Variants in PTPRN2 observed in about 807,000 individuals in gnomAD.
PTPRN2 encodes receptor-type tyrosine-protein phosphatase N2.
A neutral mutation model predicts 118.8 loss-of-function variants in PTPRN2; 74 were observed. The ratio of observed to expected loss-of-function variants is 0.62; its 90% confidence interval spans 0.52 to 0.76. PTPRN2 has a LOEUF of 0.76. Among genes scored for constraint, PTPRN2 ranks in the 30% least tolerant of loss-of-function variants. The pLI is 0.00. For missense variants in PTPRN2, 1,481 were observed against 1,394.4 expected (o/e 1.06, Z -0.99); for synonymous variants, 641 against 608.0 (o/e 1.05, Z -0.80).
At chr7:158,084,950 CCCACG>C (rs1585383088) in intron 10 of PTPRN2, among the ~76,000 whole-genome samples, 5 of 139,074 alleles carry the variant, frequency 3.6e-5, no homozygotes, top group African/African-American at 5.4e-5. Flanking sequence ...CCCATCCACA[CCCACG>C]ACGCCCATCC....
At chr7:158,527,826 G>A (rs573553646) in intron 1 of PTPRN2, among the ~76,000 whole-genome samples, 1 of 152,148 alleles carries the variant, frequency 6.6e-6, no homozygotes, top group African/African-American at 2.4e-5. Context: ...TGGTCTTCCT[G>A]CCCCGTATCC....
At chr7:158,278,363 T>A (rs1036533334) in intron 3 of PTPRN2, among the ~76,000 whole-genome samples, 1 of 149,542 alleles carries the variant, frequency 6.7e-6, no homozygotes, top group Non-Finnish European at 1.5e-5. Flanking sequence ...AAAAAAAAAA[T>A]TCAGCTGGAC....
At chr7:158,057,409 G>T (rs1450094562) in intron 11 of PTPRN2, among the ~76,000 whole-genome samples, 1 of 152,172 alleles carries the variant, frequency 6.6e-6, no homozygotes, top group African/African-American at 2.4e-5. Context: ...CAATGATGAT[G>T]GTCTCTTTTT....
chr7:158,270,561 C>A (rs1798244347), intron 3 of PTPRN2, among the ~76,000 whole-genome samples: 1 of 152,106 alleles, frequency 6.6e-6, no homozygotes, highest in African/African-American at 2.4e-5. Flanking sequence ...GCTGCTATCA[C>A]AATTGAGGGC....
intron 11 of PTPRN2, among the ~76,000 whole-genome samples, chr7:157,906,897 T>C (rs1162359390): frequency 6.6e-6 from 1 of 152,208 alleles, no homozygotes. Context: ...TCTAAGCTTC[T>C]TTGGTTCTGG....
Position 157,690,272 on chromosome 7 carries a change from G to A in PTPRN2, c.1789-7335C>T, listed in dbSNP as rs1051216117. Among the ~76,000 whole-genome samples, 42 of 152,140 alleles carry A rather than the reference G, an allele frequency of 2.8e-4. No homozygotes were observed. The highest frequency in any genetic ancestry group is 5.6e-4 in the Non-Finnish European group (38 of 68,020). ...GACCCACTTGGGGATGATCCCAGGC[G>A]CAGCTCTCCCCTGCCGGCCCAAGCC... is the stretch of plus-strand genomic sequence containing the variant. On this transcript the variant is annotated intron_variant, in intron 12 of 22. Transcript: ENST00000389418. This position sits in a 1 kb window ranked among gnomAD's most constrained non-coding sequence, Gnocchi z 7.1.
chr7:157,635,586 AT>A, intron 14 of PTPRN2, among the ~76,000 whole-genome samples: 1 of 152,286 alleles, frequency 6.6e-6, no homozygotes, highest in Middle Eastern at 3.4e-3. Flanking sequence ...ACCAATTTTC[AT>A]TTTTCTAGAA....
chr7:158,005,409 C>T (rs895436351), intron 11 of PTPRN2, among the ~76,000 whole-genome samples: 4 of 151,702 alleles, frequency 2.6e-5, no homozygotes, highest in African/African-American at 7.3e-5. Context: ...CTTATGGTGG[C>T]GAATATGGAA....
At chr7:157,925,235 T>C (rs1798907880) in intron 11 of PTPRN2, among the ~76,000 whole-genome samples, 1 of 147,346 alleles carries the variant, frequency 6.8e-6, no homozygotes, top group Non-Finnish European at 1.5e-5. Context: ...TGAAATGTAG[T>C]CAGGATGCAG....
chr7:158,321,499 C>T (rs79167174), intron 2 of PTPRN2, among the ~76,000 whole-genome samples: 3 of 152,340 alleles, frequency 2.0e-5, no homozygotes, highest in East Asian at 3.9e-4. Flanking sequence ...TGCAGCCCTG[C>T]GGGCCATGCT....
At chr7:158,218,607 A>G (rs1828126347) in intron 3 of PTPRN2, among the ~76,000 whole-genome samples, 1 of 152,218 alleles carries the variant, frequency 6.6e-6, no homozygotes, top group Admixed American at 6.5e-5. Context: ...GAATGTAAAC[A>G]GGCTAAACAC....
intron 12 of PTPRN2, among the ~76,000 whole-genome samples, chr7:157,725,257 A>ACGGCG (rs1404351865): frequency 7.2e-6 from 1 of 138,086 alleles, no homozygotes; most frequent in African/African-American, 3.1e-5. Context: ...CATGCAGAGG[A>ACGGCG]GTGAGCCAGA....
At chr7:157,689,313 C>A (rs1479434373) in intron 12 of PTPRN2, among the ~76,000 whole-genome samples, 1 of 152,238 alleles carries the variant, frequency 6.6e-6, no homozygotes, top group Non-Finnish European at 1.5e-5. Context: ...GCGCTCCGGA[C>A]TCCAGGCGGG....
chr7:158,428,810 G>A (rs1488467507), intron 2 of PTPRN2, among the ~76,000 whole-genome samples: 2 of 152,112 alleles, frequency 1.3e-5, no homozygotes, highest in South Asian at 2.1e-4. Flanking sequence ...TTACTTACTC[G>A]CTTCTTTCAG....
chr7:157,569,920 T>C (rs923895758), intron 20 of PTPRN2, among the ~76,000 whole-genome samples: 2 of 152,258 alleles, frequency 1.3e-5, no homozygotes, highest in Non-Finnish European at 2.9e-5. Flanking sequence ...AAGATGTGAC[T>C]ACCCAGCAGA....
chr7:158,557,501 G>A (rs922031490), intron 1 of PTPRN2, among the ~76,000 whole-genome samples: 1 of 152,266 alleles, frequency 6.6e-6, no homozygotes, highest in East Asian at 1.9e-4. Context: ...TCTTGGCCCT[G>A]CAGGTACAAG....
At position 158,369,323 on chromosome 7, in the gene PTPRN2, G is replaced by A. The variant is rs367835133; in HGVS notation, c.164-52391C>T. Reference sequence around the variant, plus strand: ...TACCTATAAAGTTATATACATACACGTATATGTAACTAATATGATATATAT... The same window carrying A: ...TACCTATAAAGTTATATACATACACATATATGTAACTAATATGATATATAT... On this transcript the variant is annotated intron_variant, in intron 2 of 22. Coordinates refer to ENST00000389418, the MANE Select transcript of PTPRN2 (RefSeq NM_002847.5). 3.3e-4 allele frequency among the ~76,000 whole-genome samples: 49 copies of A among 148,592 alleles called. 1 individual carries two copies. In the East Asian group the frequency reaches 5.7e-3, roughly 17 times the overall value.
intron 2 of PTPRN2, among the ~76,000 whole-genome samples, chr7:158,392,170 C>T (rs1444314895): frequency 6.6e-6 from 1 of 152,164 alleles, no homozygotes. Flanking sequence ...TCCCCTCTCC[C>T]TCCCTTCATC....
intron 14 of PTPRN2, among the ~76,000 whole-genome samples, chr7:157,641,119 G>C (rs892255406): frequency 6.6e-6 from 1 of 152,236 alleles, no homozygotes; most frequent in African/African-American, 2.4e-5. Flanking sequence ...GCTGAGGTCT[G>C]TGTCTCAGGT....
Sources: allele counts gnomAD v4.1 joint callset (sites outside exome capture counted in the v4.1 genomes callset), GRCh38; gene constraint gnomAD v4.1.1; non-coding constraint Gnocchi (gnomAD v3.1); transcripts MANE v1.5; gene names NCBI Gene and HGNC (gene_info 2026-07-23, HGNC 2026-07-21).